CCDC116: variants seen among roughly 807,000 people sequenced by gnomAD.
CCDC116 encodes coiled-coil domain containing 116.
Under a neutral mutation model 29.4 loss-of-function variants are expected in CCDC116, and 24 were observed. The ratio of observed to expected loss-of-function variants is 0.82; its 90% CI spans 0.59 to 1.15. The LOEUF is 1.15. CCDC116 is among the 50% of genes most tolerant of loss of function. CCDC116 has a pLI of 0.00. For missense variants in CCDC116, 791 were observed against 804.0 expected (o/e 0.98, Z 0.20); for synonymous variants, 298 against 331.4 (o/e 0.90, Z 1.10).
Position 21,635,898 on chromosome 22 carries a change from C to T in CCDC116, c.1204-534C>T, listed in dbSNP as rs1461323600. On this transcript the variant is annotated intron_variant, in intron 4 of 4. Coordinates refer to ENST00000292779, the MANE Select transcript of CCDC116 (RefSeq NM_152612.3). ...GACAGCAGCCCAAGCCCAGCCGGGG[C>T]CTTGCCTCCTAGGTCTAGCTCCCTT... The T allele has an allele frequency of 1.3e-5, 6 of 464,422 alleles. No homozygotes were observed. In the East Asian group the frequency reaches 2.0e-4, roughly 15 times the overall value. The allele number at this position is 464,422 out of a possible 1,614,324, so 28.8% of individuals were successfully genotyped here.
chr22:21,633,584 T>TAC (rs1930641160), intron 2 of CCDC116, among the ~76,000 whole-genome samples: 2 of 152,148 alleles, frequency 1.3e-5, no homozygotes, highest in African/African-American at 4.8e-5. Context: ...CCTCAGGTGT[T>TAC]GTCTGCACTC....
At chr22:21,635,322 A>G in intron 4 of CCDC116, 56 bp downstream of exon 4, 2 of 1,427,976 alleles carry the variant, frequency 1.4e-6, no homozygotes, top group Non-Finnish European at 1.9e-6. Flanking sequence ...TCCAGGGAGG[A>G]GGCACCTGAC....
chr22:21,636,616 T>G lies in CCDC116; in HGVS notation c.1388T>G (p.Phe463Cys). Residue 463 changes from phenylalanine to cysteine, a missense_variant, in exon 5 of 5, where the codon TTC becomes TGC. Phe to Cys is a radical substitution (Grantham distance 205). Coordinates refer to ENST00000292779, the MANE Select transcript of CCDC116 (RefSeq NM_152612.3). ...AAGGACCTCAGTAAGCAGCTGGGCTTCTTCTCCTTCCCCATCACCCACGTG... is the reference window on the plus strand; with the variant it reads ...AAGGACCTCAGTAAGCAGCTGGGCTGCTTCTCCTTCCCCATCACCCACGTG... Reference protein sequence around the residue: ...FEKDLSKQLGFFSFPITHVLR... With the variant: ...FEKDLSKQLGCFSFPITHVLR... 6.2e-7 allele frequency: 1 copy of G among 1,614,142 alleles called. No homozygotes were observed. The highest frequency in any genetic ancestry group is 1.3e-5 in the African/African-American group (1 of 75,034).
chr22:21,636,632 C>T lies in CCDC116; in HGVS notation c.1404C>T (p.Ile468=). ...SKQLGFFSFP[I]THVLRDLSLG... is the part of the protein sequence containing the mutation. ...AGCTGGGCTTCTTCTCCTTCCCCAT[C>T]ACCCACGTGCTCAGGGACCTTTCCC... Residue 468 remains isoleucine (I), a synonymous_variant, in exon 5 of 5, where the codon ATC becomes ATT. Coordinates refer to ENST00000292779, the MANE Select transcript of CCDC116 (RefSeq NM_152612.3). 2 of 1,614,126 alleles carry T rather than the reference C, an allele frequency of 1.2e-6. No homozygotes were observed. Among genetic ancestry groups the T allele is most frequent in the Non-Finnish European group, 1.7e-6 (2 of 1,180,016 alleles).
Position 21,635,032 on chromosome 22 carries a change from G to A in CCDC116, c.969G>A (p.Lys323=). The A allele has an allele frequency of 6.2e-7, 1 of 1,610,476 alleles. No homozygotes were observed. The highest frequency in any genetic ancestry group is 2.2e-5 in the East Asian group (1 of 44,870). The change falls in exon 4 of 5, where the codon AAG becomes AAA. Residue 323 remains lysine (K), a synonymous_variant. Coordinates refer to ENST00000292779, the MANE Select transcript of CCDC116 (RefSeq NM_152612.3). ...GCGTGGTCAGCCAGGCTGTGGATAA[G>A]CTCCGTGGCGCCCACTGCCGCGACG... ...LQSVVSQAVD[K]LRGAHCRDGR... is the part of the protein sequence containing the mutation.
Position 21,634,947 on chromosome 22 carries a change from G to T in CCDC116, c.884G>T (p.Arg295Leu), listed in dbSNP as rs150826903. 3.7e-6 allele frequency: 6 copies of T among 1,613,604 alleles called. No homozygotes were observed. The highest frequency in any genetic ancestry group is 5.1e-6 in the Non-Finnish European group (6 of 1,180,020). Residue 295 changes from arginine (R) to leucine (L), a missense_variant, in exon 4 of 5, where the codon CGT becomes CTT. By Grantham distance (102) the Arg-to-Leu change is moderately radical. Transcript: ENST00000292779. ...SLDLPGYCPL[R>L]EPHRTLNFLA... is the part of the protein sequence containing the mutation. Reference sequence around the variant, plus strand: ...GACCTGCCTGGCTACTGTCCGCTCCGTGAGCCCCATCGCACGCTGAACTTC... The same window carrying T: ...GACCTGCCTGGCTACTGTCCGCTCCTTGAGCCCCATCGCACGCTGAACTTC...
intron 4 of CCDC116, 146 bp from the exon 5 acceptor site, chr22:21,636,286 T>G (rs1930795705): frequency 1.5e-6 from 1 of 686,438 alleles, no homozygotes; most frequent in East Asian, 2.7e-5. Flanking sequence ...CAAATGTGTT[T>G]GTCACACTAA....
Position 21,633,106 on chromosome 22 carries a change from C to T in CCDC116, c.-62-14C>T. On this transcript the variant is annotated splice_polypyrimidine_tract_variant and intron_variant, in intron 1 of 4. Transcript: ENST00000292779. ...CTATTGGAGACCCTCAGGTTGTCTC[C>T]CCACCCCACGCAGAGAGGAATGCGC... is the stretch of plus-strand genomic sequence containing the variant. The T allele has an allele frequency of 4.7e-6, 6 of 1,264,306 alleles. No individual in the cohort carries two copies. The highest frequency in any genetic ancestry group is 1.5e-5 in the African/African-American group (1 of 67,476). 78.3% of individuals were successfully genotyped at this position (1,264,306 alleles called of 1,614,324 possible). A position where few individuals can be genotyped will look rare whatever the true frequency, so the allele number is the denominator to read the frequency against.
chr22:21,633,086 G>T, intron 1 of CCDC116, 34 bp from the exon 2 acceptor site: 2 of 981,202 alleles, frequency 2.0e-6, no homozygotes, highest in Non-Finnish European at 3.2e-6. Flanking sequence ...TGGACCTATT[G>T]GAGACCCTCA....
rs146052926 is a variant in CCDC116, at chr22:21,636,573, C to T, written c.1345C>T (p.Arg449Cys). The T allele has an allele frequency of 1.5e-5, 24 of 1,614,090 alleles. No homozygotes were observed. The highest frequency in any genetic ancestry group is 1.3e-4 in the East Asian group (6 of 44,870). The change falls in exon 5 of 5, where the codon CGC becomes TGC. Residue 449 changes from arginine to cysteine, a missense_variant. Coordinates refer to ENST00000292779, the MANE Select transcript of CCDC116 (RefSeq NM_152612.3). ...CCAGCAGGCAGCCTCCTTGGTCATC[C>T]GCAAGTACGAGTTCGAAAAGGACCT... is the stretch of plus-strand genomic sequence containing the variant. ...LTQQAASLVI[R>C]KYEFEKDLSK... is the part of the protein sequence containing the mutation.
intron 4 of CCDC116, chr22:21,635,840 C>CT: frequency 1.8e-6 from 1 of 556,890 alleles, no homozygotes; most frequent in Non-Finnish European, 3.2e-6. Context: ...TAGAGACGCT[C>CT]CTACATGGGG....
chr22:21,636,886 G>C lies in CCDC116; in HGVS notation c.1658G>C (p.Ser553Thr). The C allele has an allele frequency of 1.2e-6, 2 of 1,613,772 alleles. No homozygotes were observed. The highest frequency in any genetic ancestry group is 1.7e-6 in the Non-Finnish European group (2 of 1,180,036). The change falls in exon 5 of 5, where the codon AGC becomes ACC. Residue 553 changes from serine (S) to threonine (T), a missense_variant. By Grantham distance (58) the Ser-to-Thr change is moderately conservative. Coordinates refer to ENST00000292779, the MANE Select transcript of CCDC116 (RefSeq NM_152612.3). ...TCCCTCTACACCAACTTGCCAGCCA[G>C]CCGGCAGCTCAGCCCTTTGGAGCCC... is the stretch of plus-strand genomic sequence containing the variant. ...CRSLYTNLPA[S>T]RQLSPLEPKL...
chr22:21,634,740 G>A lies in CCDC116; in HGVS notation c.677G>A (p.Gly226Asp). ...GACTCCCTGCTGTGGGATTCGCTGG[G>A]TAGCCAGACCAGCTTTCAGTGGACA... ...QRDSLLWDSL[G>D]SQTSFQWTQE... is the part of the protein sequence containing the mutation. Residue 226 changes from glycine to aspartate, a missense_variant, in exon 4 of 5, where the codon GGT becomes GAT. Coordinates refer to ENST00000292779, the MANE Select transcript of CCDC116 (RefSeq NM_152612.3). 2 of 1,613,198 alleles carry A rather than the reference G, an allele frequency of 1.2e-6. No individual in the cohort carries two copies. The highest frequency in any genetic ancestry group is 2.2e-5 in the South Asian group (2 of 91,076).
rs143407046 is a variant in CCDC116 at position 21,635,008 on chromosome 22, C to T, written c.945C>T (p.Ser315=). The part of the protein sequence containing the change: ...ADHRLFPALQ[S]VVSQAVDKLR... Reference sequence around the variant, plus strand: ...ACCGCCTCTTCCCTGCCCTGCAAAGCGTGGTCAGCCAGGCTGTGGATAAGC... The same window carrying T: ...ACCGCCTCTTCCCTGCCCTGCAAAGTGTGGTCAGCCAGGCTGTGGATAAGC... Residue 315 remains serine, a synonymous_variant, in exon 4 of 5, where the codon AGC becomes AGT. Coordinates refer to ENST00000292779, the MANE Select transcript of CCDC116 (RefSeq NM_152612.3). The T allele has an allele frequency of 3.7e-6, 6 of 1,610,918 alleles. No individual in the cohort carries two copies. The highest frequency in any genetic ancestry group is 3.3e-5 in the Admixed American group (2 of 59,994).
In CCDC116 at chr22:21,634,259, G is replaced by A; in HGVS notation, c.310G>A (p.Ala104Thr). 6.2e-7 allele frequency: 1 copy of A among 1,614,074 alleles called. No homozygotes were observed. The highest frequency in any genetic ancestry group is 1.1e-5 in the South Asian group (1 of 91,088). Residue 104 changes from alanine to threonine, a missense_variant, in exon 3 of 5, where the codon GCT becomes ACT. Coordinates refer to ENST00000292779, the MANE Select transcript of CCDC116 (RefSeq NM_152612.3). ...TERMAAMKTE[A>T]GVPLVEVQDP... is the part of the protein sequence containing the mutation. ...GCGCATGGCTGCCATGAAGACGGAG[G>A]CTGGGGTGCCGCTTGTGGAGGTGCA...
Position 21,635,170 on chromosome 22 carries a change from A to C in CCDC116, c.1107A>C (p.Thr369=). ...GGQPYASPRP[T]VSSPKMLQRK... ...AGCCCTATGCTTCCCCCCGCCCCACAGTCTCCAGCCCCAAGATGCTTCAGA... is the reference window on the plus strand; with the variant it reads ...AGCCCTATGCTTCCCCCCGCCCCACCGTCTCCAGCCCCAAGATGCTTCAGA... Residue 369 remains threonine (T), a synonymous_variant, in exon 4 of 5, where the codon ACA becomes ACC. Transcript: ENST00000292779. The C allele has an allele frequency of 6.2e-7, 1 of 1,601,100 alleles. No homozygotes were observed. Among genetic ancestry groups the C allele is most frequent in the Non-Finnish European group, 8.5e-7 (1 of 1,179,888 alleles).
chr22:21,635,312 T>C (rs961642305), intron 4 of CCDC116, 46 bp downstream of exon 4: 2 of 1,484,410 alleles, frequency 1.3e-6, no homozygotes, highest in Non-Finnish European at 1.8e-6. Flanking sequence ...CTCACTCCAC[T>C]CCAGGGAGGA....
At position 21,635,103 on chromosome 22, in the gene CCDC116, C is replaced by A. The variant is rs779593243; in HGVS notation, c.1040C>A (p.Pro347Gln). The part of the protein sequence containing the change: ...PTSLEPTSDL[P>Q]PLGSEPAKPT... ...AGCTTGGAGCCCACCTCAGATCTGCCGCCTCTGGGCTCTGAGCCAGCTAAA... is the reference window on the plus strand; with the variant it reads ...AGCTTGGAGCCCACCTCAGATCTGCAGCCTCTGGGCTCTGAGCCAGCTAAA... The change falls in exon 4 of 5, where the codon CCG becomes CAG. Residue 347 changes from proline to glutamine, a missense_variant. By Grantham distance (76) the Pro-to-Gln change is moderately conservative. Coordinates refer to ENST00000292779, the MANE Select transcript of CCDC116 (RefSeq NM_152612.3). 1 of 1,607,290 alleles carries A rather than the reference C, an allele frequency of 6.2e-7. No homozygotes were observed. Among genetic ancestry groups the A allele is most frequent in the East Asian group, 2.2e-5 (1 of 44,856 alleles).
chr22:21,636,998 G>A lies in CCDC116; in HGVS notation c.1770G>A (p.Glu590=), dbSNP rs2066037938. Reference sequence around the variant, plus strand: ...ACAATGAGGGCCGTGATAAAGCCGAGATTGAAGATGAAGATGAGGATGAGT... The same window carrying A: ...ACAATGAGGGCCGTGATAAAGCCGAAATTGAAGATGAAGATGAGGATGAGT... The part of the protein sequence containing the change: ...DMDNEGRDKA[E]IEDEDEDEFK... Residue 590 remains glutamate (E), a synonymous_variant, in exon 5 of 5, where the codon GAG becomes GAA. Coordinates refer to ENST00000292779, the MANE Select transcript of CCDC116 (RefSeq NM_152612.3). The A allele has an allele frequency of 1.2e-6, 2 of 1,613,646 alleles. No individual in the cohort carries two copies. The highest frequency in any genetic ancestry group is 1.3e-5 in the African/African-American group (1 of 75,072).
Sources: gnomAD v4.1 joint callset for allele counts (sites outside exome capture counted in the v4.1 genomes callset) on GRCh38, gnomAD v4.1.1 for gene constraint, MANE v1.5 for transcripts, NCBI Gene and HGNC (gene_info 2026-07-23, HGNC 2026-07-21) for gene names.